DNAH3: variants seen among roughly 807,000 people sequenced by gnomAD.
The protein encoded by DNAH3 is dynein axonemal heavy chain 3.
DNAH3 carries 332 observed loss-of-function variants against 432.5 expected under a neutral mutation model. The observed-to-expected ratio is 0.77, with a 90% confidence interval of 0.70 to 0.84. The LOEUF is 0.84. DNAH3 is among the 40% of genes least tolerant of loss of function. The pLI is 0.00. For missense variants in DNAH3, 4,861 were observed against 5,114.0 expected (o/e 0.95, Z 1.51); for synonymous variants, 1,956 against 1,900.2 (o/e 1.03, Z -0.76).
intron 14 of DNAH3, among the ~76,000 whole-genome samples, chr16:21,109,545 T>C (rs1159881726): frequency 6.6e-6 from 1 of 152,180 alleles, no homozygotes; most frequent in Non-Finnish European, 1.5e-5. Context: ...CATATATGAA[T>C]AATACAGTAT....
At chr16:20,959,070 G>T in intron 54 of DNAH3, 109 bp downstream of exon 54, 3 of 1,172,298 alleles carry the variant, frequency 2.6e-6, no homozygotes, top group Non-Finnish European at 3.7e-6. Flanking sequence ...GCCTGGCCTA[G>T]ACTGAAAGTT....
At chr16:21,094,667 A>AATAT (rs143303681) in intron 18 of DNAH3, among the ~76,000 whole-genome samples, 4 of 149,334 alleles carry the variant, frequency 2.7e-5, no homozygotes, top group South Asian at 2.1e-4. Context: ...CTCCATCTCA[A>AATAT]ATATATATAT....
chr16:20,992,613 T>C (rs2086604152), intron 44 of DNAH3, among the ~76,000 whole-genome samples: 1 of 152,230 alleles, frequency 6.6e-6, no homozygotes, highest in Non-Finnish European at 1.5e-5. Flanking sequence ...GTGCTGGGAT[T>C]ACAGGCGTGA....
At chr16:20,975,520 T>C (rs770672484) in intron 50 of DNAH3, 105 bp from the exon 51 acceptor site, 89 of 1,094,344 alleles carry the variant, frequency 8.1e-5, no homozygotes, top group Non-Finnish European at 1.1e-4. Context: ...AGAAAATATG[T>C]ACTAATGATT....
At chr16:20,937,342 C>G (rs967271872) in intron 59 of DNAH3, among the ~76,000 whole-genome samples, 1 of 151,664 alleles carries the variant, frequency 6.6e-6, no homozygotes, top group Non-Finnish European at 1.5e-5. Context: ...GCAAAATGTT[C>G]CATTTTGTTT....
intron 1 of DNAH3, among the ~76,000 whole-genome samples, chr16:21,153,093 G>T (rs1479584482): frequency 1.3e-5 from 2 of 152,140 alleles, no homozygotes; most frequent in Non-Finnish European, 2.9e-5. Flanking sequence ...AACCTTTATG[G>T]CTAGCTCAGG....
chr16:20,959,403 G>A lies in DNAH3; in HGVS notation c.10602C>T (p.Gly3534=), dbSNP rs144226614. 226 of 1,609,058 alleles carry A rather than the reference G, an allele frequency of 1.4e-4. 1 individual carries two copies. In the African/African-American group the frequency reaches 2.5e-3, roughly 18 times the overall value. Residue 3534 remains glycine, a splice_region_variant and synonymous_variant, in exon 54 of 62, where the codon GGC becomes GGT. Transcript: ENST00000261383. ...CAAGATCATCAGCAAACTTCAGCAGGCCTGAGACCAGGAAGAAAGGAGGCT... is the reference window on the plus strand; with the variant it reads ...CAAGATCATCAGCAAACTTCAGCAGACCTGAGACCAGGAAGAAAGGAGGCT...
chr16:20,977,677 A>G (rs943654784), intron 50 of DNAH3, among the ~76,000 whole-genome samples: 1 of 152,208 alleles, frequency 6.6e-6, no homozygotes, highest in Non-Finnish European at 1.5e-5. Context: ...CTGTGTGATC[A>G]TGGGCAAGAC....
At chr16:20,997,179 G>T in intron 44 of DNAH3, 104 bp downstream of exon 44, 1 of 1,118,550 alleles carries the variant, frequency 8.9e-7, no homozygotes, top group Non-Finnish European at 1.3e-6. Context: ...CCTGCCACGT[G>T]GTTTGGCAGG....
At chr16:21,028,344 C>T (rs1396924367) in intron 37 of DNAH3, among the ~76,000 whole-genome samples, 1 of 152,078 alleles carries the variant, frequency 6.6e-6, no homozygotes, top group Middle Eastern at 3.4e-3. Context: ...GTGCCTGGCC[C>T]ATAAATCTTT....
chr16:21,101,147 T>G (rs1198588013), intron 16 of DNAH3, among the ~76,000 whole-genome samples: 2 of 152,182 alleles, frequency 1.3e-5, no homozygotes, highest in Non-Finnish European at 2.9e-5. Context: ...CTATCTTAAA[T>G]GCACTCAGAA....
intron 6 of DNAH3, 109 bp downstream of exon 7, chr16:21,136,215 A>G (rs1206077439): frequency 1.8e-6 from 2 of 1,086,518 alleles, no homozygotes; most frequent in African/African-American, 1.6e-5. Context: ...GGAGTTCCAG[A>G]CCAGCCTGAG....
At chr16:21,029,908 A>C (rs2088786143) in intron 37 of DNAH3, among the ~76,000 whole-genome samples, 1 of 152,114 alleles carries the variant, frequency 6.6e-6, no homozygotes, top group Non-Finnish European at 1.5e-5. Flanking sequence ...CACAGTAGCC[A>C]TGACTTCCAG....
intron 43 of DNAH3, among the ~76,000 whole-genome samples, 174 bp downstream of exon 43, chr16:21,000,050 G>A (rs2086943028): frequency 6.6e-6 from 1 of 151,766 alleles, no homozygotes. Context: ...GGGAGGGAAG[G>A]AGGAAGGAGA....
chr16:21,114,522 T>A (rs1167332097), intron 12 of DNAH3, among the ~76,000 whole-genome samples: 3 of 152,140 alleles, frequency 2.0e-5, no homozygotes, highest in Non-Finnish European at 2.9e-5. Context: ...TGAGATGCAA[T>A]GAGAAATCCG....
intron 21 of DNAH3, among the ~76,000 whole-genome samples, chr16:21,074,075 CTTT>C (rs1477829388): frequency 6.6e-6 from 1 of 152,104 alleles, no homozygotes. Context: ...GTTAATCTGT[CTTT>C]TATTATAGGA....
rs548232387 is a variant in DNAH3, at chr16:21,128,202, T to A, written c.1083-390A>T. ...CCAGAGGCCAGGACCAAGCAGAACA[T>A]CTTCATCATCAAATGGGATTCACCC... On this transcript the variant is annotated intron_variant, in intron 7 of 61. Coordinates refer to ENST00000261383, the Ensembl canonical transcript of DNAH3. 1.1e-4 allele frequency among the ~76,000 whole-genome samples: 16 copies of A among 152,106 alleles called. No homozygotes were observed. The South Asian group carries it at 2.9e-3, about 28-fold the overall frequency.
chr16:21,058,109 C>T (rs539374650), exon 27 of DNAH3: 3 of 1,611,144 alleles, frequency 1.9e-6, no homozygotes, highest in African/African-American at 2.7e-5. Flanking sequence ...TCCGCCAGGG[C>T]TTGGGACACC....
In DNAH3 at chr16:21,134,394, C is replaced by G. The variant is rs570916220; in HGVS notation, c.947G>C (p.Arg316Pro). Reference sequence around the variant, plus strand: ...CCGGATCACTCTTTGAGGAAACAAGCGGGGGATGCTCTCAATAAAGAGCCG... The same window carrying G: ...CCGGATCACTCTTTGAGGAAACAAGGGGGGGATGCTCTCAATAAAGAGCCG... The change falls in exon 7 of 62, where the codon CGC becomes CCC. Residue 316 changes from arginine to proline, a missense_variant. Transcript: ENST00000261383. 8.1e-6 allele frequency: 13 copies of G among 1,614,014 alleles called. No homozygotes were observed. In the Admixed American group the frequency reaches 1.3e-4, roughly 17 times the overall value.
Sources: allele counts gnomAD v4.1 joint callset (sites outside exome capture counted in the v4.1 genomes callset), GRCh38; gene constraint gnomAD v4.1.1; transcripts MANE v1.5; gene names NCBI Gene and HGNC (gene_info 2026-07-23, HGNC 2026-07-21).